PCDHGA11: variants seen among roughly 807,000 people sequenced by gnomAD.
PCDHGA11 encodes the protein protocadherin gamma subfamily A, 11, also known as protocadherin gamma-A11.
PCDHGA11 carries 39 observed loss-of-function variants against 60.4 expected under a neutral mutation model. That is an observed-to-expected ratio of 0.65 (90% CI 0.50 to 0.84). The LOEUF (loss-of-function observed/expected upper bound fraction) is 0.84. PCDHGA11 is among the 40% of genes least tolerant of loss of function. PCDHGA11 has a pLI of 0.00. For missense variants in PCDHGA11, 1,165 were observed against 1,197.7 expected, an observed-to-expected ratio of 0.97 and a Z score of 0.40; for synonymous variants, 533 against 510.3, an observed-to-expected ratio of 1.04 and a Z score of -0.60.
At chr5:141,426,153 T>C (rs928934950) in intron 1 of PCDHGA11, 12 of 154,130 alleles carry the variant, frequency 7.8e-5, no homozygotes, top group African/African-American at 2.6e-4. Flanking sequence ...CTCCTGCAAA[T>C]CTGATTCCAT....
chr5:141,431,609 G>A lies in PCDHGA11; in HGVS notation c.2433+7949G>A. The A allele has an allele frequency of 6.2e-7, 1 of 1,614,232 alleles. No homozygotes were observed. The highest frequency in any genetic ancestry group is 8.5e-7 in the Non-Finnish European group (1 of 1,180,046). On this transcript the variant is annotated intron_variant, in intron 1 of 3. Coordinates refer to ENST00000398587, the MANE Select transcript of PCDHGA11 (RefSeq NM_018914.3). The surrounding 1 kb of genome is among the most constrained non-coding windows in gnomAD (Gnocchi z 4.8). ...GGAAGTGAGGTATTCCTTCCGGTAT[G>A]TGGACGACAAGGCGGCCCAAGTTTT...
rs1326004540 is a variant in PCDHGA11 at position 141,477,117 on chromosome 5, C to T, written c.2434-17690C>T. Reference sequence around the variant, plus strand: ...GACAAGGGCGCCAATCCCGAAGGAGCACATTGCAAAGTGTTGGTGGAGGTT... The same window carrying T: ...GACAAGGGCGCCAATCCCGAAGGAGTACATTGCAAAGTGTTGGTGGAGGTT... On this transcript the variant is annotated intron_variant, in intron 1 of 3. Coordinates refer to ENST00000398587, the MANE Select transcript of PCDHGA11 (RefSeq NM_018914.3). The surrounding 1 kb of genome is among the most constrained non-coding windows in gnomAD (Gnocchi z 4.9). 1.2e-6 allele frequency: 2 copies of T among 1,614,246 alleles called. No homozygotes were observed. Among genetic ancestry groups the T allele is most frequent in the East Asian group, 4.5e-5 (2 of 44,886 alleles).
Position 141,491,170 on chromosome 5 carries a change from G to A in PCDHGA11, c.2434-3637G>A. The stretch of plus-strand genomic sequence containing the variant: ...GGAGGATGACTCTGACACCCAGCAG[G>A]TGGTGGTCCTGGTGAGGGACAATGG... On this transcript the variant is annotated intron_variant, in intron 1 of 3. Coordinates refer to ENST00000398587, the MANE Select transcript of PCDHGA11 (RefSeq NM_018914.3). The surrounding 1 kb of genome is among the most constrained non-coding windows in gnomAD (Gnocchi z 6.9). 6.2e-7 allele frequency: 1 copy of A among 1,614,176 alleles called. No individual in the cohort carries two copies. Among genetic ancestry groups the A allele is most frequent in the Non-Finnish European group, 8.5e-7 (1 of 1,179,996 alleles).
chr5:141,478,204 T>C (rs775367944), intron 1 of PCDHGA11: 7 of 1,613,950 alleles, frequency 4.3e-6, no homozygotes, highest in Middle Eastern at 1.6e-4. Context: ...ATCTACTTCT[T>C]TCTCTAATCC....
At chr5:141,444,578 C>G (rs1030770037) in intron 1 of PCDHGA11, among the ~76,000 whole-genome samples, 1 of 152,134 alleles carries the variant, frequency 6.6e-6, no homozygotes, top group Non-Finnish European at 1.5e-5. Context: ...TTGACTCTTC[C>G]TTTCTACTTA....
At chr5:141,458,496 A>G (rs905073741) in intron 1 of PCDHGA11, among the ~76,000 whole-genome samples, 1 of 151,694 alleles carries the variant, frequency 6.6e-6, no homozygotes, top group Non-Finnish European at 1.5e-5. Flanking sequence ...CTGCCTGTAC[A>G]TACTGTTTGA....
Position 141,490,345 on chromosome 5 carries a change from G to C in PCDHGA11, c.2434-4462G>C, listed in dbSNP as rs2099698831. On this transcript the variant is annotated intron_variant, in intron 1 of 3. Coordinates refer to ENST00000398587, the MANE Select transcript of PCDHGA11 (RefSeq NM_018914.3). This position sits in a 1 kb window ranked among gnomAD's most constrained non-coding sequence, Gnocchi z 5.4. ...AGAGAGCACACCAGTGGGCACAGTA[G>C]TGGGGTTGTTTAATGTGCGAGACCG... is the stretch of plus-strand genomic sequence containing the variant. 1 of 1,614,216 alleles carries C rather than the reference G, an allele frequency of 6.2e-7. No homozygotes were observed. Among genetic ancestry groups the C allele is most frequent in the Non-Finnish European group, 8.5e-7 (1 of 1,180,034 alleles).
intron 1 of PCDHGA11, among the ~76,000 whole-genome samples, chr5:141,468,186 A>G (rs2099159540): frequency 6.6e-6 from 1 of 151,848 alleles, no homozygotes; most frequent in African/African-American, 2.4e-5. Context: ...TTTGCTGGGC[A>G]TGGTGGCGGG....
chr5:141,475,381 T>G (rs1182018899), intron 1 of PCDHGA11, among the ~76,000 whole-genome samples: 3 of 152,226 alleles, frequency 2.0e-5, no homozygotes, highest in Non-Finnish European at 4.4e-5. Flanking sequence ...ACTTTTAAAT[T>G]TTATAAGCCA....
chr5:141,422,699 C>T lies in PCDHGA11; in HGVS notation c.1472C>T (p.Ser491Phe). ...AAACAGAATGCCCTGGTCACTTACT[C>T]TCTGACGGATGACACTGTCCAGGGG... is the stretch of plus-strand genomic sequence containing the variant. Reference protein sequence around the residue: ...DSKQNALVTYSLTDDTVQGVP... With the variant: ...DSKQNALVTYFLTDDTVQGVP... The change falls in exon 1 of 4, where the codon TCT becomes TTT. Residue 491 changes from serine to phenylalanine, a missense_variant. By Grantham distance (155) the Ser-to-Phe change is radical. Transcript: ENST00000398587. The T allele has an allele frequency of 6.2e-7, 1 of 1,603,420 alleles. No individual in the cohort carries two copies. The highest frequency in any genetic ancestry group is 1.7e-4 in the Middle Eastern group (1 of 5,994).
chr5:141,431,189 G>A lies in PCDHGA11; in HGVS notation c.2433+7529G>A. 2 of 1,614,208 alleles carry A rather than the reference G, an allele frequency of 1.2e-6. No homozygotes were observed. The highest frequency in any genetic ancestry group is 1.7e-6 in the Non-Finnish European group (2 of 1,180,036). On this transcript the variant is annotated intron_variant, in intron 1 of 3. Transcript: ENST00000398587. This position sits in a 1 kb window ranked among gnomAD's most constrained non-coding sequence, Gnocchi z 4.8. ...AAGTGAATTAGAAATAAAAATTAGT[G>A]AAAATGCAGCCACTGAGATGCGGTT...
At chr5:141,496,817 T>C (rs2099771666) in intron 2 of PCDHGA11, among the ~76,000 whole-genome samples, 1 of 151,020 alleles carries the variant, frequency 6.6e-6, no homozygotes, top group Non-Finnish European at 1.5e-5. Flanking sequence ...AGTGAACAAG[T>C]AGATGTGATC....
chr5:141,422,038 G>A lies in PCDHGA11; in HGVS notation c.811G>A (p.Asp271Asn), dbSNP rs949164524. ...GCTGATGGTTAATGCAACGGATCCA[G>A]ACGAGGGAATCAACGGGGAAGTAAT... ...RVLMVNATDP[D>N]EGINGEVMYS... The change falls in exon 1 of 4, where the codon GAC becomes AAC. Residue 271 changes from aspartate to asparagine, a missense_variant. Asp to Asn is a conservative substitution (Grantham distance 23, BLOSUM62 1). Transcript: ENST00000398587. 5.6e-6 allele frequency: 9 copies of A among 1,611,746 alleles called. No individual in the cohort carries two copies. Among genetic ancestry groups the A allele is most frequent in the Non-Finnish European group, 7.6e-6 (9 of 1,179,264 alleles).
chr5:141,440,103 A>G (rs1391819927), intron 1 of PCDHGA11: 1 of 152,222 alleles, frequency 6.6e-6, no homozygotes, highest in Non-Finnish European at 1.5e-5. Flanking sequence ...GAAAGTGGAG[A>G]CTTACTTGTG....
chr5:141,477,878 C>A lies in PCDHGA11; in HGVS notation c.2434-16929C>A. ...GCTGCCTCGAGGTACCTCAGCTGGC[C>A]ACCTAGTGTCACGGGTGGTAGGCTG... is the stretch of plus-strand genomic sequence containing the variant. On this transcript the variant is annotated intron_variant, in intron 1 of 3. Transcript: ENST00000398587. The surrounding 1 kb of genome is among the most constrained non-coding windows in gnomAD (Gnocchi z 4.9). 1.2e-6 allele frequency: 2 copies of A among 1,614,158 alleles called. No individual in the cohort carries two copies. Among genetic ancestry groups the A allele is most frequent in the Non-Finnish European group, 1.7e-6 (2 of 1,180,008 alleles).
chr5:141,489,894 G>T lies in PCDHGA11; in HGVS notation c.2434-4913G>T. 1.2e-6 allele frequency: 2 copies of T among 1,614,204 alleles called. No homozygotes were observed. Among genetic ancestry groups the T allele is most frequent in the Non-Finnish European group, 1.7e-6 (2 of 1,180,028 alleles). The stretch of plus-strand genomic sequence containing the variant: ...TGGTGCTTACTGCTGTGGATGGGGG[G>T]ACCCCAGCCCGCTCAGGGACCACCC... On this transcript the variant is annotated intron_variant, in intron 1 of 3. Transcript: ENST00000398587. The surrounding 1 kb of genome is among the most constrained non-coding windows in gnomAD (Gnocchi z 4.5).
chr5:141,497,831 C>T (rs1336808833), intron 2 of PCDHGA11, among the ~76,000 whole-genome samples: 1 of 152,162 alleles, frequency 6.6e-6, no homozygotes, highest in Non-Finnish European at 1.5e-5. Flanking sequence ...TGATCGCCCC[C>T]GGCCACAACA....
At chr5:141,505,666 G>T (rs904221281) in intron 3 of PCDHGA11, among the ~76,000 whole-genome samples, 185 bp downstream of exon 3, 3 of 152,180 alleles carry the variant, frequency 2.0e-5, no homozygotes, top group Non-Finnish European at 4.4e-5. Context: ...ACAGCAGAGG[G>T]GTTGGGGGTC....
At position 141,477,100 on chromosome 5, in the gene PCDHGA11, C is replaced by A. The variant is rs970613825; in HGVS notation, c.2434-17707C>A. On this transcript the variant is annotated intron_variant, in intron 1 of 3. Transcript: ENST00000398587. This position sits in a 1 kb window ranked among gnomAD's most constrained non-coding sequence, Gnocchi z 4.9. ...TTTACATCCAGGCCAAAGACAAGGGCGCCAATCCCGAAGGAGCACATTGCA... is the reference window on the plus strand; with the variant it reads ...TTTACATCCAGGCCAAAGACAAGGGAGCCAATCCCGAAGGAGCACATTGCA... 1 of 1,614,216 alleles carries A rather than the reference C, an allele frequency of 6.2e-7. No homozygotes were observed. Among genetic ancestry groups the A allele is most frequent in the Non-Finnish European group, 8.5e-7 (1 of 1,180,040 alleles).
Sources: gnomAD v4.1 joint callset for allele counts (sites outside exome capture counted in the v4.1 genomes callset) on GRCh38, gnomAD v4.1.1 for gene constraint, Gnocchi (gnomAD v3.1) non-coding constraint, MANE v1.5 for transcripts, NCBI Gene and HGNC (gene_info 2026-07-23, HGNC 2026-07-21) for gene names.